Variants in SV2C observed in about 807,000 individuals in gnomAD.
SV2C encodes synaptic vesicle glycoprotein 2C.
Under a neutral mutation model 79.7 loss-of-function variants are expected in SV2C, and 49 were observed. The ratio of observed to expected loss-of-function variants is 0.61; its 90% CI spans 0.49 to 0.78. The LOEUF (loss-of-function observed/expected upper bound fraction) is 0.78. SV2C is among the 30% of genes least tolerant of loss of function. The pLI is 0.00. For missense variants in SV2C, 833 were observed against 912.9 expected, an observed-to-expected ratio of 0.91 and a Z score of 1.13; for synonymous variants, 334 against 333.2, an observed-to-expected ratio of 1.00 and a Z score of -0.03.
the SV2C span, among the ~76,000 whole-genome samples, chr5:76,018,182 T>C: frequency 3.3e-5 from 5 of 152,240 alleles, no homozygotes; most frequent in Admixed American, 2.0e-4. Flanking sequence ...ATTTAATAGA[T>C]CGTAATAATT....
At chr5:75,901,793 C>T in the SV2C span, among the ~76,000 whole-genome samples, 1 of 152,250 alleles carries the variant, frequency 6.6e-6, no homozygotes, top group Non-Finnish European at 1.5e-5. Context: ...TGGGCAATGG[C>T]AGGTGCCCCT....
the SV2C span, among the ~76,000 whole-genome samples, chr5:75,928,039 A>G: frequency 6.6e-6 from 1 of 152,150 alleles, no homozygotes; most frequent in Non-Finnish European, 1.5e-5. Flanking sequence ...GTATGCTCAC[A>G]CTTTCCTCCT....
intron 1 of SV2C, among the ~76,000 whole-genome samples, chr5:76,104,848 G>A (rs574746994): frequency 2.2e-4 from 34 of 152,212 alleles, no homozygotes; most frequent in African/African-American, 7.7e-4. Flanking sequence ...GTCTACATGC[G>A]GTTGTTGTGG....
At chr5:76,032,339 T>G in the SV2C span, among the ~76,000 whole-genome samples, 1 of 152,172 alleles carries the variant, frequency 6.6e-6, no homozygotes, top group African/African-American at 2.4e-5. Context: ...GCTGGTGCGC[T>G]GCACCCACTA....
the SV2C span, among the ~76,000 whole-genome samples, chr5:75,964,475 G>T: frequency 7.2e-5 from 11 of 152,120 alleles, no homozygotes; most frequent in South Asian, 6.2e-4. Context: ...AGGGATAGGG[G>T]AGGAAAGCCA....
chr5:76,039,129 A>G, the SV2C span, among the ~76,000 whole-genome samples: 3 of 152,334 alleles, frequency 2.0e-5, no homozygotes, highest in African/African-American at 7.2e-5. Flanking sequence ...AACTGATGAG[A>G]CCTCAAGTCT....
chr5:76,256,409 A>C (rs1428844953), intron 4 of SV2C, among the ~76,000 whole-genome samples: 2 of 152,186 alleles, frequency 1.3e-5, no homozygotes, highest in Non-Finnish European at 2.9e-5. Flanking sequence ...ATCAGGGAAG[A>C]GGCTTTTAAT....
At chr5:76,222,464 G>C (rs1745094861) in intron 4 of SV2C, among the ~76,000 whole-genome samples, 1 of 152,010 alleles carries the variant, frequency 6.6e-6, no homozygotes. Flanking sequence ...TGGGGGGTGG[G>C]GGGTGTATGA....
chr5:75,910,773 A>C, the SV2C span: 1 of 1,350,090 alleles, frequency 7.4e-7, no homozygotes, highest in Non-Finnish European at 1.1e-6. Flanking sequence ...ATTCTTTATA[A>C]CAGTCATGTT....
the SV2C span, among the ~76,000 whole-genome samples, chr5:75,970,552 G>A: frequency 4.6e-5 from 7 of 152,134 alleles, no homozygotes; most frequent in East Asian, 7.7e-4. Flanking sequence ...ACACCTCTAT[G>A]CAAATAAACT....
chr5:76,312,335 C>T (rs1408759479), intron 12 of SV2C, among the ~76,000 whole-genome samples: 1 of 152,024 alleles, frequency 6.6e-6, no homozygotes, highest in African/African-American at 2.4e-5. Flanking sequence ...TCACTGCAAT[C>T]TCTGCTTCCC....
the SV2C span, among the ~76,000 whole-genome samples, chr5:75,883,769 C>A: frequency 6.0e-5 from 9 of 150,802 alleles, no homozygotes; most frequent in Non-Finnish European, 7.4e-5. Context: ...GCCCACCAGC[C>A]TGGCACATGT....
At chr5:76,003,635 G>C in the SV2C span, among the ~76,000 whole-genome samples, 1 of 152,070 alleles carries the variant, frequency 6.6e-6, no homozygotes, top group African/African-American at 2.4e-5. Flanking sequence ...GCTTTAGGGA[G>C]GGTGAGAAGG....
the SV2C span, among the ~76,000 whole-genome samples, chr5:76,073,424 C>T: frequency 6.7e-5 from 10 of 148,340 alleles, no homozygotes; most frequent in African/African-American, 2.2e-4. Context: ...CATCACAATT[C>T]GCAATTGCAA....
intron 12 of SV2C, among the ~76,000 whole-genome samples, chr5:76,304,418 A>G (rs1368601005): frequency 6.6e-6 from 1 of 152,160 alleles, no homozygotes; most frequent in Admixed American, 6.5e-5. Flanking sequence ...TTAGAGGAAA[A>G]TCCCAACCAG....
the SV2C span, among the ~76,000 whole-genome samples, chr5:76,056,201 AG>A: frequency 2.0e-5 from 3 of 152,182 alleles, no homozygotes; most frequent in South Asian, 2.1e-4. Flanking sequence ...TTTAACATGA[AG>A]GGCTGTTGAA....
At chr5:76,209,175 T>G (rs957268563) in intron 3 of SV2C, among the ~76,000 whole-genome samples, 1 of 152,196 alleles carries the variant, frequency 6.6e-6, no homozygotes, top group African/African-American at 2.4e-5. Flanking sequence ...GGACTAGAGC[T>G]AATCTTGGAA....
At chr5:75,917,177 A>G in the SV2C span, among the ~76,000 whole-genome samples, 1 of 152,210 alleles carries the variant, frequency 6.6e-6, no homozygotes, top group Non-Finnish European at 1.5e-5. Flanking sequence ...TTCTGCTTCT[A>G]GGAGAATCCA....
At chr5:76,116,034 C>T (rs1457179130) in intron 1 of SV2C, among the ~76,000 whole-genome samples, 1 of 152,234 alleles carries the variant, frequency 6.6e-6, no homozygotes, top group Non-Finnish European at 1.5e-5. Context: ...CAGTCTCCTA[C>T]CTTGGCCACT....
Sources: gnomAD v4.1 joint callset for allele counts (sites outside exome capture counted in the v4.1 genomes callset) on GRCh38, gnomAD v4.1.1 for gene constraint, MANE v1.5 for transcripts, NCBI Gene and HGNC (gene_info 2026-07-23, HGNC 2026-07-21) for gene names.